The following TNFRSF13B variants were observed in gnomAD, a reference collection of about 807,000 sequenced individuals.
TNFRSF13B encodes the protein TNF receptor superfamily member 13B, also known as tumor necrosis factor receptor superfamily member 13B.
In TNFRSF13B, 34 loss-of-function variants were observed where a neutral mutation model predicts 24.0. The observed-to-expected ratio is 1.41, with a 90% CI of 1.08 to 1.88. TNFRSF13B has a LOEUF of 1.88. Ranked by LOEUF, TNFRSF13B falls within the 40% of genes most tolerant of loss-of-function variation. The probability of loss-of-function intolerance (pLI) is 0.00; values close to 1 mark genes in which losing one functional copy is unlikely to be tolerated. For synonymous variants in TNFRSF13B, 173 were observed against 150.3 expected (o/e 1.15, Z -1.10); for missense variants, 415 against 380.8 (o/e 1.09, Z -0.75).
chr17:16,939,281 C>G lies in TNFRSF13B; in HGVS notation c.*266G>C, dbSNP rs2087487341. The G allele has an allele frequency of 2.2e-6, 1 of 457,472 alleles. No individual in the cohort carries two copies. Among genetic ancestry groups the G allele is most frequent in the Non-Finnish European group, 3.9e-6 (1 of 258,274 alleles). 28.3% of individuals were successfully genotyped at this position (457,472 alleles called of 1,614,324 possible). A position where few individuals can be genotyped will look rare whatever the true frequency, so the allele number is the denominator to read the frequency against. ...CCTCTCTCCCTCTCTGTCTCTCTGC[C>G]TCTCTCCCTCTCTGCCTCTCTCCCT... On this transcript the variant is annotated 3_prime_UTR_variant, in exon 5 of 5. Transcript: ENST00000261652.
Position 16,945,219 on chromosome 17 carries a change from G to A in TNFRSF13B, c.445+3519C>T, listed in dbSNP as rs199498949. Among the ~76,000 whole-genome samples the A allele has an allele frequency of 5.3e-5, 8 of 152,342 alleles. No homozygotes were observed. The East Asian group carries it at 1.5e-3, about 29-fold the overall frequency. On this transcript the variant is annotated intron_variant, in intron 3 of 4. Transcript: ENST00000261652. Reference sequence around the variant, plus strand: ...ACTGGCACCAACACATCCTCACACAGCCCCCAATGCTCACAGCCTTGGGCT... The same window carrying A: ...ACTGGCACCAACACATCCTCACACAACCCCCAATGCTCACAGCCTTGGGCT...
At chr17:16,949,996 C>T (rs551726828) in intron 2 of TNFRSF13B, among the ~76,000 whole-genome samples, 7 of 152,066 alleles carry the variant, frequency 4.6e-5, no homozygotes, top group South Asian at 2.1e-4. Flanking sequence ...GTCTAGCCTC[C>T]GAATATTTCT....
At chr17:16,971,944 C>T (rs981551746) in intron 1 of TNFRSF13B, 71 bp downstream of exon 1, 5 of 1,536,386 alleles carry the variant, frequency 3.3e-6, no homozygotes, top group Non-Finnish European at 4.5e-6. Context: ...CCTTGCAACC[C>T]CCACGGCACT....
intron 1 of TNFRSF13B, 112 bp downstream of exon 1, chr17:16,971,903 T>C: frequency 9.4e-7 from 1 of 1,068,916 alleles, no homozygotes. Context: ...CCCCAGTGTG[T>C]GGATCTGCTG....
At chr17:16,957,289 G>T (rs2087631788) in intron 1 of TNFRSF13B, among the ~76,000 whole-genome samples, 1 of 150,964 alleles carries the variant, frequency 6.6e-6, no homozygotes, top group Admixed American at 6.6e-5. Flanking sequence ...AGCAGAAGAG[G>T]CAATTGGCAA....
chr17:16,952,687 A>G (rs1597663190), intron 1 of TNFRSF13B, 104 bp from the exon 2 acceptor site: 1 of 1,550,916 alleles, frequency 6.4e-7, no homozygotes, highest in Non-Finnish European at 8.8e-7. Context: ...TCGCACAGAC[A>G]ACCTTTCTGT....
chr17:16,939,449 C>T lies in TNFRSF13B; in HGVS notation c.*98G>A, dbSNP rs2087489958. 1 of 1,374,014 alleles carries T rather than the reference C, an allele frequency of 7.3e-7. No homozygotes were observed. The highest frequency in any genetic ancestry group is 1.5e-5 in the African/African-American group (1 of 68,864). 85.1% of individuals were successfully genotyped at this position (1,374,014 alleles called of 1,614,324 possible). Reference sequence around the variant, plus strand: ...TTCTCTCCCTCTCTGCCTCCTCTGTCTCTCTCTCCTCATATCTCTCTCCCC... The same window carrying T: ...TTCTCTCCCTCTCTGCCTCCTCTGTTTCTCTCTCCTCATATCTCTCTCCCC... On this transcript the variant is annotated 3_prime_UTR_variant, in exon 5 of 5. Transcript: ENST00000261652.
chr17:16,962,857 C>T (rs181204443), intron 1 of TNFRSF13B, among the ~76,000 whole-genome samples: 16 of 151,630 alleles, frequency 1.1e-4, no homozygotes, highest in African/African-American at 1.5e-4. Flanking sequence ...CACCGGGGGC[C>T]GGGGGAGGGG....
rs191165449 is a variant in TNFRSF13B at position 16,953,921 on chromosome 17, C to A, written c.62-1338G>T. On this transcript the variant is annotated intron_variant, in intron 1 of 4. Transcript: ENST00000261652. ...AGCTGGGATTACAAGTGCATGCTAC[C>A]ATGTCTGGCTAATTTTTGTATTTTT... is the stretch of plus-strand genomic sequence containing the variant. 2.2e-3 allele frequency among the ~76,000 whole-genome samples: 342 copies of A among 152,282 alleles called. 1 individual carries two copies. The highest frequency in any genetic ancestry group is 2.6e-3 in the Non-Finnish European group (174 of 68,018).
intron 1 of TNFRSF13B, among the ~76,000 whole-genome samples, chr17:16,968,353 G>C (rs1202798037): frequency 6.6e-6 from 1 of 152,146 alleles, no homozygotes; most frequent in Non-Finnish European, 1.5e-5. Flanking sequence ...GGTGGTACTG[G>C]CATCAGACAG....
chr17:16,962,300 A>T (rs1424896830), intron 1 of TNFRSF13B, among the ~76,000 whole-genome samples: 1 of 152,078 alleles, frequency 6.6e-6, no homozygotes, highest in Non-Finnish European at 1.5e-5. Context: ...TGAGGTCAGG[A>T]GTTCGAGACC....
intron 1 of TNFRSF13B, among the ~76,000 whole-genome samples, chr17:16,970,470 GA>G (rs917025548): frequency 1.2e-4 from 19 of 152,148 alleles, no homozygotes; most frequent in African/African-American, 4.3e-4. Flanking sequence ...GGATTAGTTT[GA>G]AAAACACTGG....
At chr17:16,963,552 T>G (rs1205375959) in intron 1 of TNFRSF13B, among the ~76,000 whole-genome samples, 2 of 147,772 alleles carry the variant, frequency 1.4e-5, no homozygotes, top group African/African-American at 2.7e-5. Context: ...TTTGTTTTTG[T>G]TTTTTTGGTT....
intron 1 of TNFRSF13B, among the ~76,000 whole-genome samples, chr17:16,966,847 T>C (rs867221051): frequency 0.024 from 3,425 of 142,752 alleles, 182 homozygotes; most frequent in African/African-American, 0.085. Context: ...TTCTTTTTTT[T>C]TTTTTTTTTG....
chr17:16,968,404 G>A (rs553208991), intron 1 of TNFRSF13B, among the ~76,000 whole-genome samples: 52 of 152,264 alleles, frequency 3.4e-4, no homozygotes, highest in Middle Eastern at 3.4e-3. Context: ...CAAAAATAAA[G>A]CCTAACAGTT....
At chr17:16,949,654 A>G (rs553550725) in intron 2 of TNFRSF13B, among the ~76,000 whole-genome samples, 3 of 152,146 alleles carry the variant, frequency 2.0e-5, no homozygotes, top group South Asian at 4.1e-4. Flanking sequence ...GGAACAATCA[A>G]TTATCTTATC....
At chr17:16,948,143 G>C (rs2087561861) in intron 3 of TNFRSF13B, among the ~76,000 whole-genome samples, 1 of 152,142 alleles carries the variant, frequency 6.6e-6, no homozygotes, top group Non-Finnish European at 1.5e-5. Flanking sequence ...GTCGAATACA[G>C]ATGGACATAA....
chr17:16,957,477 G>A (rs968466513), intron 1 of TNFRSF13B, among the ~76,000 whole-genome samples: 5 of 152,046 alleles, frequency 3.3e-5, no homozygotes, highest in South Asian at 2.1e-4. Context: ...CTGAGAAGAC[G>A]TGAATATACT....
intron 2 of TNFRSF13B, among the ~76,000 whole-genome samples, chr17:16,951,378 T>C (rs2087587586): frequency 6.6e-6 from 1 of 152,232 alleles, no homozygotes; most frequent in African/African-American, 2.4e-5. Flanking sequence ...CAGCAAATTG[T>C]GGTAAGTTCT....
Sources: allele counts gnomAD v4.1 joint callset (sites outside exome capture counted in the v4.1 genomes callset), GRCh38; gene constraint gnomAD v4.1.1; transcripts MANE v1.5; gene names NCBI Gene and HGNC (gene_info 2026-07-23, HGNC 2026-07-21).